Variants in CCDC7 observed in about 807,000 individuals in gnomAD.
CCDC7 encodes coiled-coil domain containing 7.
CCDC7 carries 183 observed loss-of-function variants against 196.9 expected under a neutral mutation model. That is an observed-to-expected ratio of 0.93 (90% CI 0.82 to 1.05). The LOEUF (loss-of-function observed/expected upper bound fraction) is 1.05. Ranked by LOEUF, CCDC7 falls within the 50% of genes least tolerant of loss-of-function variation. CCDC7 has a pLI of 0.00. For synonymous variants in CCDC7, 525 were observed against 484.6 expected (o/e 1.08, Z -1.10); for missense variants, 1,540 against 1,482.2 (o/e 1.04, Z -0.64).
chr10:32,758,965 C>T (rs1240594587), intron 28 of CCDC7, among the ~76,000 whole-genome samples: 1 of 151,858 alleles, frequency 6.6e-6, no homozygotes, highest in Non-Finnish European at 1.5e-5. Flanking sequence ...AGACAGAGAG[C>T]CAAATCATGA....
At chr10:32,682,090 G>C (rs1427475539) in intron 21 of CCDC7, among the ~76,000 whole-genome samples, 1 of 152,076 alleles carries the variant, frequency 6.6e-6, no homozygotes. Flanking sequence ...GTGTATTGCT[G>C]GAGTTCGATG....
intron 18 of CCDC7, among the ~76,000 whole-genome samples, chr10:32,608,440 A>G (rs908627090): frequency 6.6e-6 from 1 of 152,100 alleles, no homozygotes; most frequent in African/African-American, 2.4e-5. Context: ...ATTTATTGCT[A>G]TAAACTTTCC....
At chr10:32,700,642 G>A (rs2078543756) in intron 24 of CCDC7, among the ~76,000 whole-genome samples, 1 of 152,118 alleles carries the variant, frequency 6.6e-6, no homozygotes, top group Non-Finnish European at 1.5e-5. Context: ...AAATTACCTT[G>A]GGGAATATGG....
intron 33 of CCDC7, among the ~76,000 whole-genome samples, chr10:32,835,376 C>G (rs768667947): frequency 3.9e-5 from 6 of 151,970 alleles, no homozygotes; most frequent in Non-Finnish European, 7.4e-5. Flanking sequence ...TTGAATTGAA[C>G]CTTTACCCTT....
chr10:32,854,995 G>A (rs1030186600), intron 41 of CCDC7, among the ~76,000 whole-genome samples: 1 of 152,058 alleles, frequency 6.6e-6, no homozygotes, highest in Non-Finnish European at 1.5e-5. Flanking sequence ...ATTAGCAAAC[G>A]TTTCAAATTA....
At chr10:32,780,057 T>A (rs997690878) in intron 29 of CCDC7, among the ~76,000 whole-genome samples, 1 of 152,034 alleles carries the variant, frequency 6.6e-6, no homozygotes, top group African/African-American at 2.4e-5. Flanking sequence ...GCCAACATGG[T>A]GAAACCCCGT....
intron 39 of CCDC7, 106 bp from the exon 41 acceptor site, chr10:32,851,701 T>C (rs1593448752): frequency 9.1e-7 from 1 of 1,097,590 alleles, no homozygotes; most frequent in Non-Finnish European, 1.3e-6. Context: ...GTTTGCTTTA[T>C]ATATTTAGAT....
chr10:32,456,483 TTTTTATTC>T (rs2034381176), intron 3 of CCDC7, 149 bp downstream of exon 4: 1 of 586,718 alleles, frequency 1.7e-6, no homozygotes, highest in Non-Finnish European at 2.5e-6. Context: ...ATTTATTTAT[TTTTTATTC>T]TTTTTTTTTA....
chr10:32,707,020 A>G (rs1054183136), intron 24 of CCDC7, among the ~76,000 whole-genome samples: 2 of 152,212 alleles, frequency 1.3e-5, no homozygotes, highest in Admixed American at 6.5e-5. Context: ...ACAACAAAAG[A>G]AGAGAATTTT....
At chr10:32,597,064 G>A (rs1459710374) in intron 18 of CCDC7, among the ~76,000 whole-genome samples, 1 of 152,156 alleles carries the variant, frequency 6.6e-6, no homozygotes, top group East Asian at 1.9e-4. Context: ...GAATTTGAAT[G>A]TTGGCCTGCC....
intron 33 of CCDC7, among the ~76,000 whole-genome samples, chr10:32,841,500 A>G (rs2092967892): frequency 6.6e-6 from 1 of 151,894 alleles, no homozygotes; most frequent in South Asian, 2.1e-4. Context: ...ACACTGCTGA[A>G]GGAAATCCTA....
At chr10:32,697,528 C>T (rs376852852) in intron 24 of CCDC7, among the ~76,000 whole-genome samples, 79 of 152,316 alleles carry the variant, frequency 5.2e-4, no homozygotes, top group South Asian at 1.7e-3. Flanking sequence ...TTATATCCTG[C>T]GCCTCGCTTG....
At chr10:32,608,523 T>C (rs915787261) in intron 18 of CCDC7, among the ~76,000 whole-genome samples, 1 of 152,094 alleles carries the variant, frequency 6.6e-6, no homozygotes, top group Non-Finnish European at 1.5e-5. Flanking sequence ...TTATGATTTT[T>C]TTTGACTTCC....
At chr10:32,526,839 C>A (rs35912744) in intron 11 of CCDC7, among the ~76,000 whole-genome samples, 52,258 of 151,992 alleles carry the variant, frequency 0.34, 11,435 homozygotes, top group Non-Finnish European at 0.5. Context: ...GAGGGAGTCA[C>A]TTTCGTTGCT....
At chr10:32,795,323 T>A (rs1327783846) in intron 29 of CCDC7, among the ~76,000 whole-genome samples, 1 of 152,182 alleles carries the variant, frequency 6.6e-6, no homozygotes, top group East Asian at 1.9e-4. Context: ...GGCTCACTGG[T>A]TTTTCCTCTG....
At chr10:32,780,592 A>G (rs145667285) in intron 29 of CCDC7, among the ~76,000 whole-genome samples, 1 of 152,316 alleles carries the variant, frequency 6.6e-6, no homozygotes, top group African/African-American at 2.4e-5. Context: ...AAGATGTTAT[A>G]TATTATTTGC....
At chr10:32,518,533 G>A in intron 11 of CCDC7, 28 bp downstream of exon 12, 6 of 1,572,046 alleles carry the variant, frequency 3.8e-6, no homozygotes, top group Non-Finnish European at 5.2e-6. Flanking sequence ...GTTTGAAAAT[G>A]GCATACACCT....
chr10:32,512,878 A>G (rs2046434457), intron 9 of CCDC7: 1 of 152,214 alleles, frequency 6.6e-6, no homozygotes, highest in African/African-American at 2.4e-5. Flanking sequence ...AAGATATAAG[A>G]CAAAGCCATG....
intron 23 of CCDC7, among the ~76,000 whole-genome samples, chr10:32,694,093 G>A (rs1223747415): frequency 6.6e-6 from 1 of 152,088 alleles, no homozygotes; most frequent in African/African-American, 2.4e-5. Flanking sequence ...TTATATGATG[G>A]GAGGAGATGC....
Sources: gnomAD v4.1 joint callset for allele counts (sites outside exome capture counted in the v4.1 genomes callset) on GRCh38, gnomAD v4.1.1 for gene constraint, MANE v1.5 for transcripts, NCBI Gene and HGNC (gene_info 2026-07-23, HGNC 2026-07-21) for gene names.